TRAPPC2: variants seen among roughly 807,000 people sequenced by gnomAD.
TRAPPC2 encodes sedlin.
Under a neutral mutation model 10.0 loss-of-function variants are expected in TRAPPC2, and 4 were observed. The observed-to-expected ratio is 0.40, with a 90% CI of 0.20 to 0.92. The LOEUF (loss-of-function observed/expected upper bound fraction) is 0.92, where lower values mean the gene tolerates loss of function less well. Among genes scored for constraint, TRAPPC2 ranks in the 40% least tolerant of loss-of-function variants. The pLI is 0.35. For synonymous variants in TRAPPC2, 36 were observed against 37.3 expected (o/e 0.97, Z 0.12); for missense variants, 52 against 108.7 (o/e 0.48, Z 2.32).
At chrX:13,717,039 A>T (rs2046306310) in intron 3 of TRAPPC2, among the ~76,000 whole-genome samples, 1 of 55,160 alleles carries the variant, frequency 1.8e-5, no homozygotes, top group African/African-American at 7.5e-5. Flanking sequence ...TATGTTAAAA[A>T]AAAAAAAAAA....
chrX:13,716,458 G>T (rs2046287670), intron 4 of TRAPPC2, 76 bp downstream of exon 4: 1 of 1,117,593 alleles, frequency 8.9e-7, no homozygotes, highest in Non-Finnish European at 1.2e-6. Context: ...TCAGAGCCTG[G>T]CATCTATGTT....
At position 13,716,031 on chromosome X, in the gene TRAPPC2, A is replaced by G. The variant is rs954467127; in HGVS notation, c.297T>C (p.Phe99=). 6.7e-6 allele frequency: 8 copies of G among 1,193,666 alleles called. No individual in the cohort carries two copies. In the East Asian group the frequency reaches 2.4e-4, roughly 36 times the overall value. ...TTATATATAAATCATAAACATCAGTAAAGAAGTTCTTTATTCCATCTTCTT... is the reference window on the plus strand; with the variant it reads ...TTATATATAAATCATAAACATCAGTGAAGAAGTTCTTTATTCCATCTTCTT... ...IRQEDGIKNF[F]TDVYDLYIKF... Residue 99 remains phenylalanine (F), a synonymous_variant, in exon 5 of 6, where the codon TTT becomes TTC. Coordinates refer to ENST00000380579, the MANE Select transcript of TRAPPC2 (RefSeq NM_001011658.4).
intron 5 of TRAPPC2, 56 bp downstream of exon 5, chrX:13,715,948 T>C: frequency 4.4e-6 from 5 of 1,130,283 alleles, no homozygotes; most frequent in Non-Finnish European, 5.9e-6. Flanking sequence ...GCCAGTTTCC[T>C]GACAAAGGTC....
chrX:13,716,684 T>C lies in TRAPPC2; in HGVS notation c.94-6A>G, dbSNP rs747293162. Reference sequence around the variant, plus strand: ...TTCAGATGACGATGGTCGTCCTAGATGACAGTGTGAGCAACCACAGATTAA... The same window carrying C: ...TTCAGATGACGATGGTCGTCCTAGACGACAGTGTGAGCAACCACAGATTAA... On this transcript the variant is annotated splice_polypyrimidine_tract_variant and splice_region_variant and intron_variant, in intron 3 of 5. Coordinates refer to ENST00000380579, the MANE Select transcript of TRAPPC2 (RefSeq NM_001011658.4). The C allele has an allele frequency of 1.2e-5, 15 of 1,209,568 alleles. No individual in the cohort carries two copies. The highest frequency in any genetic ancestry group is 2.2e-5 in the Admixed American group (1 of 45,747).
At chrX:13,732,592 G>A in intron 2 of TRAPPC2, among the ~76,000 whole-genome samples, 1 of 112,490 alleles carries the variant, frequency 8.9e-6, no homozygotes, top group Non-Finnish European at 1.9e-5. Context: ...ACCTACAGGA[G>A]GGCCAAGTAT....
chrX:13,724,331 C>A (rs2046493386), intron 2 of TRAPPC2, among the ~76,000 whole-genome samples: 1 of 105,598 alleles, frequency 9.5e-6, no homozygotes, highest in African/African-American at 3.5e-5. Flanking sequence ...AAAAACGGGA[C>A]CAGAAATCAG....
intron 2 of TRAPPC2, among the ~76,000 whole-genome samples, chrX:13,731,955 A>C (rs1196728741): frequency 8.9e-6 from 1 of 112,190 alleles, no homozygotes; most frequent in Non-Finnish European, 1.9e-5. Context: ...AGAAGTTAAG[A>C]GGATAAGAAA....
chrX:13,722,208 C>CAG (rs1555898001), intron 2 of TRAPPC2: 1 of 36,116 alleles, frequency 2.8e-5, no homozygotes, highest in African/African-American at 1.2e-4. Flanking sequence ...TAAGCAGCAG[C>CAG]AAAAAAAAAA....
intron 2 of TRAPPC2, among the ~76,000 whole-genome samples, chrX:13,723,625 G>A (rs1004875014): frequency 8.9e-6 from 1 of 112,004 alleles, no homozygotes; most frequent in African/African-American, 3.2e-5. Context: ...TGGTCTGCTC[G>A]ATTTTCCCAT....
intron 3 of TRAPPC2, among the ~76,000 whole-genome samples, chrX:13,717,118 G>A (rs2046311624): frequency 9.4e-6 from 1 of 106,317 alleles, no homozygotes; most frequent in Non-Finnish European, 1.9e-5. Flanking sequence ...GGTCTGGGAG[G>A]AAACTGAGAG....
Position 13,733,580 on chromosome X carries a change from T to G in TRAPPC2, c.-20+464A>C, listed in dbSNP as rs868079127. Among the ~76,000 whole-genome samples the G allele has an allele frequency of 4.5e-5, 5 of 111,714 alleles. No individual in the cohort carries two copies. The South Asian group carries it at 1.9e-3, about 42-fold the overall frequency. On this transcript the variant is annotated intron_variant, in intron 2 of 5. Transcript: ENST00000380579. ...CTTACTGCCTCTTAAATACTTTAAG[T>G]TTTTCACAGCCAGAGATCAAAACTC... is the stretch of plus-strand genomic sequence containing the variant.
At chrX:13,719,836 C>T (rs1189045982) in intron 3 of TRAPPC2, 35 bp downstream of exon 3, 1 of 952,509 alleles carries the variant, frequency 1.0e-6, no homozygotes, top group South Asian at 2.2e-5. Flanking sequence ...CATATTATAC[C>T]ATATCATTAC....
chrX:13,731,936 TAAC>T (rs1239924565), intron 2 of TRAPPC2, among the ~76,000 whole-genome samples: 3 of 111,979 alleles, frequency 2.7e-5, no homozygotes, highest in African/African-American at 9.7e-5. Context: ...AAGGTGAAAT[TAAC>T]AAGATAGAAG....
intron 2 of TRAPPC2, among the ~76,000 whole-genome samples, chrX:13,726,803 C>A (rs11095622): frequency 0.3 from 33,583 of 110,637 alleles, 3,865 homozygotes; most frequent in South Asian, 0.47. Context: ...TTAAAAGACA[C>A]AGACTGGCAA....
At position 13,723,240 on chromosome X, in the gene TRAPPC2, G is replaced by A. The variant is rs778679174; in HGVS notation, c.-19-3258C>T. Among the ~76,000 whole-genome samples, 213 of 111,607 alleles carry A rather than the reference G, an allele frequency of 1.9e-3. 1 individual carries two copies. The highest frequency in any genetic ancestry group is 6.2e-3 in the African/African-American group (190 of 30,745). On this transcript the variant is annotated intron_variant, in intron 2 of 5. Transcript: ENST00000380579. Reference sequence around the variant, plus strand: ...TCCAAACTAGTGGCACAATCTTAGCGCACTGCAACCTCCGCCTCCCAGGTT... The same window carrying A: ...TCCAAACTAGTGGCACAATCTTAGCACACTGCAACCTCCGCCTCCCAGGTT...
At chrX:13,714,584 T>C (rs749231250) in intron 5 of TRAPPC2, 79 bp from the exon 6 acceptor site, 1 of 586,969 alleles carries the variant, frequency 1.7e-6, no homozygotes, top group African/African-American at 2.3e-5. Context: ...TTTAAAGTTT[T>C]AAATTAAAAA....
In TRAPPC2 at chrX:13,723,587, T is replaced by C. The variant is rs777180765; in HGVS notation, c.-19-3605A>G. 1.1e-4 allele frequency among the ~76,000 whole-genome samples: 12 copies of C among 112,176 alleles called. No individual in the cohort carries two copies. The South Asian group carries it at 1.1e-3, about 10-fold the overall frequency. On this transcript the variant is annotated intron_variant, in intron 2 of 5. Transcript: ENST00000380579. ...GATAAAGCAACTGCCATTACTGAAT[T>C]ACCTGCGTTGACATGACTGTGTATG...
intron 2 of TRAPPC2, chrX:13,721,092 A>G (rs1405126503): frequency 9.0e-6 from 1 of 111,115 alleles, no homozygotes; most frequent in Non-Finnish European, 1.9e-5. Flanking sequence ...GAAAAATATA[A>G]GTGATTCCAT....
chrX:13,717,313 T>C (rs898800718), intron 3 of TRAPPC2, among the ~76,000 whole-genome samples: 1 of 112,009 alleles, frequency 8.9e-6, no homozygotes, highest in African/African-American at 3.2e-5. Flanking sequence ...CAGGACACAG[T>C]CCTGTCAGAG....
Sources: gnomAD v4.1 joint callset for allele counts (sites outside exome capture counted in the v4.1 genomes callset) on GRCh38, gnomAD v4.1.1 for gene constraint, MANE v1.5 for transcripts, NCBI Gene and HGNC (gene_info 2026-07-23, HGNC 2026-07-21) for gene names.